The following BMP1 variants were observed in gnomAD, a reference collection of about 807,000 sequenced individuals.
BMP1 encodes mammalian tolloid protein.
In BMP1, 63 loss-of-function variants were observed where a neutral mutation model predicts 116.8. That is an observed-to-expected ratio of 0.54 (90% CI 0.44 to 0.67). BMP1 has a LOEUF of 0.67. Ranked by LOEUF, BMP1 falls within the 30% of genes least tolerant of loss-of-function variation. BMP1 has a pLI of 0.00. For missense variants in BMP1, 1,183 were observed against 1,358.9 expected, an observed-to-expected ratio of 0.87 and a Z score of 2.04; for synonymous variants, 536 against 533.4, an observed-to-expected ratio of 1.00 and a Z score of -0.07.
chr8:22,165,924 TG>T (rs972363509), intron 1 of BMP1, among the ~76,000 whole-genome samples: 12 of 150,442 alleles, frequency 8.0e-5, no homozygotes, highest in African/African-American at 2.5e-4. Flanking sequence ...TGTGTGTGTG[TG>T]TTCTTTCCCC....
rs1331290902 is a variant in BMP1 at position 22,196,390 on chromosome 8, C to G, written c.1766-290C>G. The G allele has an allele frequency of 1.2e-5, 7 of 587,352 alleles. No homozygotes were observed. In the East Asian group the frequency reaches 2.2e-4, roughly 19 times the overall value. 36.4% of individuals were successfully genotyped at this position (587,352 alleles called of 1,614,324 possible). The stretch of plus-strand genomic sequence containing the variant: ...AACTGCTTTCCCTGAGCCCCTTATT[C>G]CCGCTCACTCCCTCTTGGAGGACCT... On this transcript the variant is annotated intron_variant, in intron 13 of 19. Transcript: ENST00000306385.
Position 22,194,430 on chromosome 8 carries a change from C to T in BMP1, c.1298-15C>T, listed in dbSNP as rs1217700200. 1 of 1,613,866 alleles carries T rather than the reference C, an allele frequency of 6.2e-7. No homozygotes were observed. The highest frequency in any genetic ancestry group is 1.1e-5 in the South Asian group (1 of 91,040). On this transcript the variant is annotated splice_polypyrimidine_tract_variant and intron_variant, in intron 10 of 19. Coordinates refer to ENST00000306385, the MANE Select transcript of BMP1 (RefSeq NM_006129.5). The surrounding 1 kb of genome is among the most constrained non-coding windows in gnomAD (Gnocchi z 4.5). ...GACTCACCACCCCTTCCCACCCCAT[C>T]CTGTGTCCCCACAGCCATCTGCGGG...
Position 22,173,585 on chromosome 8 carries a change from T to G in BMP1, c.149-17T>G, listed in dbSNP as rs1359081292. The G allele has an allele frequency of 7.5e-6, 12 of 1,597,380 alleles. No individual in the cohort carries two copies. The Admixed American group carries it at 2.1e-4, about 27-fold the overall frequency. The stretch of plus-strand genomic sequence containing the variant: ...TAGGAGGATTAACTCAGCCCTGGCT[T>G]CTTCTTTTCTCTTTAGCTGCCTTTC... On this transcript the variant is annotated splice_polypyrimidine_tract_variant and intron_variant, in intron 1 of 19. Transcript: ENST00000306385.
chr8:22,188,195 T>C (rs1391940454), intron 8 of BMP1, among the ~76,000 whole-genome samples: 1 of 150,560 alleles, frequency 6.6e-6, no homozygotes, highest in East Asian at 1.9e-4. Flanking sequence ...TTTTTTTTTT[T>C]TTTCTGAGAC....
intron 15 of BMP1, among the ~76,000 whole-genome samples, chr8:22,199,757 C>T (rs1429000680): frequency 1.3e-5 from 2 of 152,294 alleles, no homozygotes; most frequent in Admixed American, 6.5e-5. Flanking sequence ...GTGCCCTTCA[C>T]CCCCACATTT....
rs201721564 is a variant in BMP1 at position 22,177,876 on chromosome 8, T to C, written c.755T>C (p.Met252Thr). 1.2e-6 allele frequency: 2 copies of C among 1,613,280 alleles called. No individual in the cohort carries two copies. The highest frequency in any genetic ancestry group is 1.7e-5 in the Admixed American group (1 of 59,990). ...GGGCAGGAGTATAACTTCCTGAAGA[T>C]GGAGCCTCAGGAGGTGGAGTCCCTG... is the stretch of plus-strand genomic sequence containing the variant. ...QPGQEYNFLK[M>T]EPQEVESLGE... Residue 252 changes from methionine (M) to threonine (T), a missense_variant, in exon 6 of 20, where the codon ATG becomes ACG. Transcript: ENST00000306385.
intron 6 of BMP1, among the ~76,000 whole-genome samples, chr8:22,178,789 C>G (rs1407295762): frequency 6.6e-6 from 1 of 152,048 alleles, no homozygotes. Flanking sequence ...TGGCACCTCC[C>G]TCCTCCTCAA....
chr8:22,186,790 G>A (rs1828783948), intron 8 of BMP1, among the ~76,000 whole-genome samples: 1 of 152,020 alleles, frequency 6.6e-6, no homozygotes, highest in Non-Finnish European at 1.5e-5. Flanking sequence ...AAATGAGCCT[G>A]GCAATAGTAC....
rs547263011 is a variant in BMP1 at position 22,198,854 on chromosome 8, G to C, written c.2107+1434G>C. 2.8e-4 allele frequency: 248 copies of C among 901,480 alleles called. 3 individuals are homozygous for C. The African/African-American group carries it at 4.2e-3, about 15-fold the overall frequency. 55.8% of individuals were successfully genotyped at this position (901,480 alleles called of 1,614,324 possible). On this transcript the variant is annotated intron_variant, in intron 15 of 19. Coordinates refer to ENST00000306385, the MANE Select transcript of BMP1 (RefSeq NM_006129.5). ...CCTGCCCCCAACCCCCGCTTGCTGA[G>C]ACCCTCCCCATGCCAGGCCAATTTC...
chr8:22,169,545 C>T (rs1424576457), intron 1 of BMP1: 1 of 152,286 alleles, frequency 6.6e-6, no homozygotes, highest in African/African-American at 2.4e-5. Flanking sequence ...TGTGATCGGT[C>T]TTCCTGAGTA....
In BMP1 at chr8:22,207,489, A is replaced by G. The variant is rs750219545; in HGVS notation, c.2548A>G (p.Lys850Glu). 6.2e-7 allele frequency: 1 copy of G among 1,613,626 alleles called. No homozygotes were observed. The highest frequency in any genetic ancestry group is 1.7e-5 in the Admixed American group (1 of 60,026). Residue 850 changes from lysine to glutamate, a missense_variant, in exon 18 of 20, where the codon AAG becomes GAG. Physicochemically the swap from Lys to Glu is moderately conservative, Grantham distance 56. Coordinates refer to ENST00000306385, the MANE Select transcript of BMP1 (RefSeq NM_006129.5). ...CTACTCAGATAACTCGGTCCAGCGA[A>G]AGGGCTTCCAGGCCTCCCACGCCAC... ...RFYSDNSVQR[K>E]GFQASHATEC... is the part of the protein sequence containing the mutation.
intron 13 of BMP1, 65 bp downstream of exon 13, chr8:22,195,652 T>A: frequency 7.5e-7 from 1 of 1,333,722 alleles, no homozygotes; most frequent in South Asian, 1.4e-5. Context: ...TGCCCAGAAT[T>A]TTTTTTTTTT....
chr8:22,204,236 A>G (rs1829312412), intron 16 of BMP1, among the ~76,000 whole-genome samples: 1 of 152,192 alleles, frequency 6.6e-6, no homozygotes, highest in Non-Finnish European at 1.5e-5. Context: ...TAATGGTGAC[A>G]GCTCACGGTT....
rs1186298985 is a variant in BMP1 at position 22,176,303 on chromosome 8, A to G, written c.423A>G (p.Gly141=). The change falls in exon 3 of 20, where the codon GGA becomes GGG. Residue 141 remains glycine (G), a synonymous_variant. Coordinates refer to ENST00000306385, the MANE Select transcript of BMP1 (RefSeq NM_006129.5). ...PDGVIPFVIG[G]NFTGSQRAVF... ...GGGTCATCCCCTTTGTCATTGGGGGAAACTTCACTGGTGAGCGTGCTATTG... is the reference window on the plus strand; with the variant it reads ...GGGTCATCCCCTTTGTCATTGGGGGGAACTTCACTGGTGAGCGTGCTATTG... 1.9e-6 allele frequency: 3 copies of G among 1,598,674 alleles called. No homozygotes were observed. The highest frequency in any genetic ancestry group is 2.6e-6 in the Non-Finnish European group (3 of 1,171,186).
Position 22,180,364 on chromosome 8 carries a change from A to G in BMP1, c.962-4A>G, listed in dbSNP as rs750489501. The G allele has an allele frequency of 6.2e-6, 10 of 1,610,316 alleles. No homozygotes were observed. In the African/African-American group the frequency reaches 1.1e-4, roughly 17 times the overall value. The stretch of plus-strand genomic sequence containing the variant: ...CCCTGCCCTGTCATTTCCTTTCCTC[A>G]CAGCCTGTGGAGAGACCCTGCAAGA... On this transcript the variant is annotated splice_region_variant and splice_polypyrimidine_tract_variant and intron_variant, in intron 7 of 19. Transcript: ENST00000306385.
intron 17 of BMP1, 31 bp downstream of exon 17, chr8:22,207,012 G>A: frequency 6.2e-7 from 1 of 1,612,176 alleles, no homozygotes; most frequent in African/African-American, 1.3e-5. Flanking sequence ...TCCTTATGCG[G>A]TGTGGCTGCC....
chr8:22,182,627 G>A (rs1270647775), intron 8 of BMP1, among the ~76,000 whole-genome samples: 2 of 152,160 alleles, frequency 1.3e-5, no homozygotes, highest in East Asian at 1.9e-4. Flanking sequence ...AAATGTGTTC[G>A]ACCTGCCTTG....
chr8:22,177,982 C>T, intron 6 of BMP1, 25 bp downstream of exon 6: 1 of 1,565,828 alleles, frequency 6.4e-7, no homozygotes, highest in East Asian at 2.3e-5. Flanking sequence ...TGGGGCTGGG[C>T]CTCTGCTCGG....
intron 19 of BMP1, among the ~76,000 whole-genome samples, chr8:22,210,692 G>C (rs1829449098): frequency 6.6e-6 from 1 of 152,164 alleles, no homozygotes. Context: ...GCTGGCAGGG[G>C]CTGGGACAAG....
Sources: gnomAD v4.1 joint callset for allele counts (sites outside exome capture counted in the v4.1 genomes callset) on GRCh38, gnomAD v4.1.1 for gene constraint, Gnocchi (gnomAD v3.1) non-coding constraint, MANE v1.5 for transcripts, NCBI Gene and HGNC (gene_info 2026-07-23, HGNC 2026-07-21) for gene names.